The following MATR3 variants were observed in gnomAD, a reference collection of about 807,000 sequenced individuals.
MATR3 encodes the protein matrin 3.
In MATR3, 4 loss-of-function variants were observed where a neutral mutation model predicts 85.5. The ratio of observed to expected loss-of-function variants is 0.05; its 90% confidence interval spans 0.02 to 0.11. The LOEUF (loss-of-function observed/expected upper bound fraction) is 0.11. MATR3 is among the 10% of genes least tolerant of loss of function. The pLI is 1.00. For synonymous variants in MATR3, 336 were observed against 343.1 expected, an observed-to-expected ratio of 0.98 and a Z score of 0.23; for missense variants, 685 against 1,016.1, an observed-to-expected ratio of 0.67 and a Z score of 4.43.
intron 3 of MATR3, among the ~76,000 whole-genome samples, chr5:139,283,885 C>T (rs1308520994): frequency 1.3e-5 from 2 of 152,242 alleles, no homozygotes; most frequent in African/African-American, 4.8e-5. Context: ...TTTCCCTTCT[C>T]ATTCCATCTT....
At chr5:139,303,770 C>T (rs1184492806) in intron 1 of MATR3, among the ~76,000 whole-genome samples, 3 of 151,888 alleles carry the variant, frequency 2.0e-5, no homozygotes, top group Admixed American at 2.0e-4. Flanking sequence ...AACTAAAAAT[C>T]TTTTCATTTT....
At position 139,308,023 on chromosome 5, in the gene MATR3, A is replaced by G. The variant is rs1167212428; in HGVS notation, c.608A>G (p.Asp203Gly). 6.2e-7 allele frequency: 1 copy of G among 1,614,180 alleles called. No homozygotes were observed. Among genetic ancestry groups the G allele is most frequent in the Non-Finnish European group, 8.5e-7 (1 of 1,180,030 alleles). The part of the protein sequence containing the change: ...GPSLNPVLDY[D>G]HGSRSQESGY... ...AGTCTCAACCCAGTGCTTGATTATG[A>G]CCATGGAAGTCGTTCTCAAGAATCT... is the stretch of plus-strand genomic sequence containing the variant. The change falls in exon 2 of 15, where the codon GAC becomes GGC. Residue 203 changes from aspartate to glycine, a missense_variant. Around this residue, in one of 9 missense-constraint regions of MATR3, gnomAD observed 223 missense variants for 334.4 expected, o/e 0.67. Transcript: ENST00000394805.
chr5:139,292,251 C>T (rs1440292071), upstream of MATR3, among the ~76,000 whole-genome samples: 1 of 152,102 alleles, frequency 6.6e-6, no homozygotes, highest in Non-Finnish European at 1.5e-5. Context: ...CGAGATCTAC[C>T]GTGCCTCAAA....
intron 6 of MATR3, among the ~76,000 whole-genome samples, chr5:139,317,362 T>C (rs1429723426): frequency 6.6e-6 from 1 of 152,228 alleles, no homozygotes; most frequent in African/African-American, 2.4e-5. Flanking sequence ...AATTTAAAAA[T>C]CACTACAGAG....
At chr5:139,300,616 G>T (rs1024684463) in intron 1 of MATR3, among the ~76,000 whole-genome samples, 1 of 152,102 alleles carries the variant, frequency 6.6e-6, no homozygotes, top group East Asian at 1.9e-4. Flanking sequence ...TGATTACTAC[G>T]GTGCTGTGTG....
intron 2 of MATR3, 87 bp from the exon 3 acceptor site, chr5:139,314,588 A>T: frequency 9.8e-7 from 1 of 1,020,352 alleles, no homozygotes; most frequent in Non-Finnish European, 1.5e-6. Context: ...GATACTGCAT[A>T]GACATTAATA....
intron 2 of MATR3, chr5:139,276,219 G>A: frequency 2.2e-6 from 1 of 456,680 alleles, no homozygotes; most frequent in Non-Finnish European, 4.4e-6. Context: ...TTGTACCTAG[G>A]CAAGTGTTAC....
At chr5:139,300,740 T>A (rs1311258063) in intron 1 of MATR3, among the ~76,000 whole-genome samples, 1 of 152,198 alleles carries the variant, frequency 6.6e-6, no homozygotes, top group African/African-American at 2.4e-5. Context: ...CCTCCAGGGT[T>A]CAAGTGATTC....
chr5:139,294,076 GC>G, intron 1 of MATR3: 1 of 1,264,990 alleles, frequency 7.9e-7, no homozygotes. Flanking sequence ...GGCCCAGGGT[GC>G]GGCGGGAGAT....
At chr5:139,279,129 C>T (rs975638202) in exon 3 of MATR3, 8 of 454,242 alleles carry the variant, frequency 1.8e-5, no homozygotes, top group Admixed American at 9.4e-5. Context: ...AGATAAGTAA[C>T]GTATGTAGTC....
chr5:139,320,619 TGAG>T (rs1182559865), intron 9 of MATR3, among the ~76,000 whole-genome samples: 1 of 152,124 alleles, frequency 6.6e-6, no homozygotes, highest in Non-Finnish European at 1.5e-5. Context: ...GAAATAAGGA[TGAG>T]GAGAACATCT....
At chr5:139,293,915 T>G (rs1561924735) in intron 1 of MATR3, 110 bp downstream of exon 1, 1 of 1,177,834 alleles carries the variant, frequency 8.5e-7, no homozygotes, top group Non-Finnish European at 1.1e-6. Flanking sequence ...CGGCGCGCCT[T>G]TCTTGCTCGC....
intron 3 of MATR3, among the ~76,000 whole-genome samples, chr5:139,284,802 T>TA (rs1221193273): frequency 1.3e-5 from 2 of 152,208 alleles, no homozygotes; most frequent in Non-Finnish European, 2.9e-5. Context: ...GGCATATTGG[T>TA]AAGTAGCTGC....
chr5:139,303,560 CCCCTCTCTACCA>C (rs1464009137), intron 1 of MATR3, among the ~76,000 whole-genome samples: 1 of 151,998 alleles, frequency 6.6e-6, no homozygotes, highest in Non-Finnish European at 1.5e-5. Context: ...TGGTGAAAAC[CCCCTCTCTACCA>C]AAACAATGAA....
At chr5:139,302,502 G>C (rs1331358794) in intron 1 of MATR3, among the ~76,000 whole-genome samples, 1 of 152,072 alleles carries the variant, frequency 6.6e-6, no homozygotes, top group African/African-American at 2.4e-5. Context: ...TGGAAACTAT[G>C]GTAAATTCTT....
At chr5:139,323,738 A>T (rs966088521) in intron 12 of MATR3, among the ~76,000 whole-genome samples, 1 of 152,208 alleles carries the variant, frequency 6.6e-6, no homozygotes, top group African/African-American at 2.4e-5. Flanking sequence ...TACTAAAAAT[A>T]TGAAAATTAG....
In MATR3 at chr5:139,308,016, G is replaced by C; in HGVS notation, c.601G>C (p.Asp201His). ...TGGTCCTAGTCTCAACCCAGTGCTT[G>C]ATTATGACCATGGAAGTCGTTCTCA... The part of the protein sequence containing the change: ...DRGPSLNPVL[D>H]YDHGSRSQES... Residue 201 changes from aspartate to histidine, a missense_variant, in exon 2 of 15, where the codon GAT becomes CAT. Physicochemically the swap from Asp to His is moderately conservative, Grantham distance 81. Transcript: ENST00000394805. 6.2e-7 allele frequency: 1 copy of C among 1,614,148 alleles called. No individual in the cohort carries two copies. Among genetic ancestry groups the C allele is most frequent in the Non-Finnish European group, 8.5e-7 (1 of 1,180,012 alleles).
chr5:139,280,609 C>T lies in MATR3; in HGVS notation c.-178+1480C>T, dbSNP rs572392775. The T allele has an allele frequency of 2.6e-5, 4 of 152,310 alleles. 1 individual carries two copies. The South Asian group carries it at 8.3e-4, about 32-fold the overall frequency. The allele number at this position is 152,310 out of a possible 1,614,324, so 9.4% of individuals were successfully genotyped here. ...TTTAATGTGCTCCAAAGGGAGAGGT[C>T]TTAAGAAAGAATAGCAGTCTGCACT... On this transcript the variant is annotated intron_variant, in intron 3 of 16. Transcript: ENST00000509990.
intron 4 of MATR3, 130 bp from the exon 5 acceptor site, chr5:139,315,946 G>C (rs545974488): frequency 1.5e-4 from 119 of 808,800 alleles, no homozygotes; most frequent in Non-Finnish European, 2.4e-4. Context: ...CTTTGACCTA[G>C]TTACTTCACA....
Sources: gnomAD v4.1 joint callset for allele counts (sites outside exome capture counted in the v4.1 genomes callset) on GRCh38, gnomAD v4.1.1 for gene constraint, gnomAD v4.1.1 regional missense constraint, MANE v1.5 for transcripts, NCBI Gene and HGNC (gene_info 2026-07-23, HGNC 2026-07-21) for gene names.